Variants in DNAI1 observed in about 807,000 individuals in gnomAD.
DNAI1 encodes the protein dynein axonemal intermediate chain 1.
A neutral mutation model predicts 92.0 loss-of-function variants in DNAI1; 67 were observed. That is an observed-to-expected ratio of 0.73 (90% CI 0.60 to 0.89). The LOEUF (loss-of-function observed/expected upper bound fraction) is 0.89, where lower values mean the gene tolerates loss of function less well. DNAI1 is among the 40% of genes least tolerant of loss of function. DNAI1 has a pLI of 0.00. For missense variants in DNAI1, 839 were observed against 866.6 expected (o/e 0.97, Z 0.40); for synonymous variants, 323 against 319.6 (o/e 1.01, Z -0.11).
intron 7 of DNAI1, 46 bp downstream of exon 7, chr9:34,490,534 C>T (rs748042663): frequency 6.2e-7 from 1 of 1,612,960 alleles, no homozygotes; most frequent in Non-Finnish European, 8.5e-7. Context: ...TTCACTGTGC[C>T]TGGCAGGGAA....
chr9:34,499,924 G>A (rs1824793737), intron 10 of DNAI1, among the ~76,000 whole-genome samples: 1 of 152,194 alleles, frequency 6.6e-6, no homozygotes, highest in Non-Finnish European at 1.5e-5. Context: ...ACTCACACTG[G>A]TTGTTCTGTG....
At chr9:34,519,624 CA>C (rs140202464) in intron 19 of DNAI1, among the ~76,000 whole-genome samples, 3,840 of 152,188 alleles carry the variant, frequency 0.025, 172 homozygotes, top group African/African-American at 0.088. Flanking sequence ...GGGGTCACAG[CA>C]GGGGGAAATC....
At chr9:34,475,035 T>C (rs1824212807) in intron 1 of DNAI1, among the ~76,000 whole-genome samples, 2 of 152,188 alleles carry the variant, frequency 1.3e-5, no homozygotes, top group African/African-American at 4.8e-5. Context: ...AGACCACTAT[T>C]CAAAGTTTTA....
intron 1 of DNAI1, among the ~76,000 whole-genome samples, chr9:34,463,835 G>A (rs1823991358): frequency 6.6e-6 from 1 of 152,130 alleles, no homozygotes; most frequent in Non-Finnish European, 1.5e-5. Flanking sequence ...GGAGTGAGTG[G>A]GCAGGGTTGG....
chr9:34,488,085 C>T (rs1824507998), intron 4 of DNAI1: 1 of 398,928 alleles, frequency 2.5e-6, no homozygotes, highest in Non-Finnish European at 5.0e-6. Context: ...AAAATAGTTA[C>T]TATTTTATTG....
chr9:34,508,210 C>A (rs182233412), intron 13 of DNAI1, among the ~76,000 whole-genome samples: 59 of 152,324 alleles, frequency 3.9e-4, no homozygotes, highest in African/African-American at 1.3e-3. Flanking sequence ...ACACTCCTGC[C>A]TCTTATGGCC....
intron 10 of DNAI1, 78 bp from the exon 11 acceptor site, chr9:34,500,644 G>A (rs1038672007): frequency 8.6e-6 from 8 of 935,292 alleles, no homozygotes; most frequent in African/African-American, 1.6e-5. Flanking sequence ...GCCCAAGGAG[G>A]TACAGACAGT....
chr9:34,517,592 G>A, intron 19 of DNAI1, 125 bp downstream of exon 19: 1 of 1,102,422 alleles, frequency 9.1e-7, no homozygotes, highest in Non-Finnish European at 1.3e-6. Flanking sequence ...TAAGGATGGT[G>A]TCATTGCCTG....
chr9:34,459,600 C>T (rs1045097932), intron 1 of DNAI1, among the ~76,000 whole-genome samples: 1 of 152,180 alleles, frequency 6.6e-6, no homozygotes, highest in African/African-American at 2.4e-5. Flanking sequence ...CATAGGCCAC[C>T]ACGCCCGGCT....
chr9:34,500,949 T>C, intron 11 of DNAI1, 110 bp downstream of exon 11: 5 of 1,045,004 alleles, frequency 4.8e-6, no homozygotes, highest in Non-Finnish European at 7.5e-6. Flanking sequence ...TGTGACAGTA[T>C]AGAAAAATAT....
At chr9:34,509,543 A>AC (rs1374238975) in intron 13 of DNAI1, among the ~76,000 whole-genome samples, 2 of 151,842 alleles carry the variant, frequency 1.3e-5, no homozygotes, top group Admixed American at 6.6e-5. Context: ...CACTCCCTCT[A>AC]CCCCCCTGAG....
chr9:34,517,804 C>T (rs1825198879), intron 19 of DNAI1, among the ~76,000 whole-genome samples: 1 of 152,204 alleles, frequency 6.6e-6, no homozygotes, highest in Non-Finnish European at 1.5e-5. Flanking sequence ...GTCACCCAGG[C>T]AGGGGGCCTG....
At position 34,514,507 on chromosome 9, in the gene DNAI1, C is replaced by G. The variant is rs749068442; in HGVS notation, c.1683C>G (p.Ser561=). 4 of 1,614,110 alleles carry G rather than the reference C, an allele frequency of 2.5e-6. No homozygotes were observed. The change falls in exon 17 of 20, where the codon TCC becomes TCG. Residue 561 remains serine (S), a synonymous_variant. Coordinates refer to ENST00000242317, the MANE Select transcript of DNAI1 (RefSeq NM_012144.4). ...CCAAGGTCTTCATGTCCTGCAGCTC[C>G]GACTGGACAGTGAAGATCTGGGACC... ...YHTKVFMSCS[S]DWTVKIWDHT...
At chr9:34,490,674 G>T (rs1208132341) in intron 7 of DNAI1, among the ~76,000 whole-genome samples, 186 bp downstream of exon 7, 1 of 152,212 alleles carries the variant, frequency 6.6e-6, no homozygotes, top group African/African-American at 2.4e-5. Context: ...ATCCAGGCAG[G>T]AGTTTAGAGG....
In DNAI1 at chr9:34,495,982, A is replaced by G. The variant is rs1013797995; in HGVS notation, c.817-1133A>G. Among the ~76,000 whole-genome samples, 10 of 152,328 alleles carry G rather than the reference A, an allele frequency of 6.6e-5. No homozygotes were observed. In the South Asian group the frequency reaches 1.4e-3, roughly 22 times the overall value. ...GCGTGGCAAAAGGTCCTCAAAGGTC[A>G]GTTCCCCAGAAGTGACTTCATAACC... On this transcript the variant is annotated intron_variant, in intron 9 of 19. Coordinates refer to ENST00000242317, the MANE Select transcript of DNAI1 (RefSeq NM_012144.4).
chr9:34,493,528 G>A (rs1018471247), intron 9 of DNAI1, among the ~76,000 whole-genome samples, 200 bp downstream of exon 9: 1 of 152,142 alleles, frequency 6.6e-6, no homozygotes, highest in African/African-American at 2.4e-5. Context: ...CCTCCCCCCA[G>A]TAAGATAGAT....
At position 34,512,333 on chromosome 9, in the gene DNAI1, A is replaced by G. The variant is rs761735222; in HGVS notation, c.1402-4A>G. 5.0e-6 allele frequency: 8 copies of G among 1,614,030 alleles called. No homozygotes were observed. The highest frequency in any genetic ancestry group is 1.1e-5 in the South Asian group (1 of 91,068). On this transcript the variant is annotated splice_polypyrimidine_tract_variant and splice_region_variant and intron_variant, in intron 14 of 19. Transcript: ENST00000242317. Reference sequence around the variant, plus strand: ...CCCCCACATCCCTCTGTCTGTGGCTACAGAGAAAGCTGGTTCACATAGATG... The same window carrying G: ...CCCCCACATCCCTCTGTCTGTGGCTGCAGAGAAAGCTGGTTCACATAGATG...
intron 1 of DNAI1, among the ~76,000 whole-genome samples, chr9:34,481,911 A>G (rs554595441): frequency 1.0e-3 from 157 of 152,366 alleles, no homozygotes; most frequent in Non-Finnish European, 3.8e-4. Flanking sequence ...GGACCCGAGC[A>G]GGTTGCCAAT....
intron 19 of DNAI1, 42 bp from the exon 20 acceptor site, chr9:34,520,616 G>T (rs760476362): frequency 2.8e-5 from 43 of 1,531,680 alleles, no homozygotes; most frequent in Non-Finnish European, 3.6e-5. Context: ...AGAGAGGGGG[G>T]GCCCACCATT....
Sources: gnomAD v4.1 joint callset for allele counts (sites outside exome capture counted in the v4.1 genomes callset) on GRCh38, gnomAD v4.1.1 for gene constraint, MANE v1.5 for transcripts, NCBI Gene and HGNC (gene_info 2026-07-23, HGNC 2026-07-21) for gene names.